The following CLEC4F variants were observed in gnomAD, a reference collection of about 807,000 sequenced individuals.
The protein encoded by CLEC4F is C-type lectin domain family 4 member F, also known as C-type (calcium dependent, carbohydrate-recognition domain) lectin, superfamily member 13.
In CLEC4F, 45 loss-of-function variants were observed where a neutral mutation model predicts 53.4. The observed-to-expected ratio is 0.84, with a 90% confidence interval of 0.66 to 1.08. The LOEUF (loss-of-function observed/expected upper bound fraction) is 1.08. Among genes scored for constraint, CLEC4F ranks in the 50% least tolerant of loss-of-function variants. CLEC4F has a pLI of 0.00. For missense variants in CLEC4F, 753 were observed against 698.2 expected, an observed-to-expected ratio of 1.08 and a Z score of -0.88; for synonymous variants, 245 against 257.5, an observed-to-expected ratio of 0.95 and a Z score of 0.46.
chr2:70,816,508 A>G lies in CLEC4F; in HGVS notation c.873T>C (p.Asn291=). 1 of 1,614,078 alleles carries G rather than the reference A, an allele frequency of 6.2e-7. No individual in the cohort carries two copies. Among genetic ancestry groups the G allele is most frequent in the Non-Finnish European group, 8.5e-7 (1 of 1,180,038 alleles). Residue 291 remains asparagine (N), a synonymous_variant, in exon 4 of 7, where the codon AAT becomes AAC. Coordinates refer to ENST00000272367, the MANE Select transcript of CLEC4F (RefSeq NM_173535.3). ...AGTTTAAAGCATTTGTGTTCTGCAA[A>G]TTTTCCTTTAGTCCCTGGATCTCAG... ...ANAEIQGLKE[N]LQNTNALNSQ... is the part of the protein sequence containing the mutation.
At position 70,816,192 on chromosome 2, in the gene CLEC4F, T is replaced by G; in HGVS notation, c.1189A>C (p.Met397Leu). The G allele has an allele frequency of 6.2e-7, 1 of 1,614,226 alleles. No homozygotes were observed. Among genetic ancestry groups the G allele is most frequent in the Non-Finnish European group, 8.5e-7 (1 of 1,180,038 alleles). The change falls in exon 4 of 7, where the codon ATG (methionine) becomes CTG (leucine). Residue 397 changes from methionine (M) to leucine (L), a missense_variant. By Grantham distance (15) the Met-to-Leu change is conservative. Coordinates refer to ENST00000272367, the MANE Select transcript of CLEC4F (RefSeq NM_173535.3). ...SREIQTLKQG[M>L]KNASALTSQT... is the part of the protein sequence containing the mutation. ...GAAGTTAAGGCTGAAGCATTCTTCA[T>G]TCCTTGTTTTAGGGTCTGTATCTCT...
chr2:70,820,434 G>A, intron 1 of CLEC4F, 29 bp downstream of exon 1: 1 of 1,561,412 alleles, frequency 6.4e-7, no homozygotes, highest in Non-Finnish European at 8.7e-7. Context: ...TCCCTCACTG[G>A]GCAAGAGCTG....
upstream of CLEC4F, among the ~76,000 whole-genome samples, chr2:70,824,917 T>C (rs1023778060): frequency 2.2e-4 from 34 of 152,226 alleles, no homozygotes; most frequent in Non-Finnish European, 4.4e-4. Context: ...CTTCCTACTC[T>C]TTCAGTGTGA....
Position 70,816,548 on chromosome 2 carries a change from A to G in CLEC4F, c.833T>C (p.Leu278Ser), listed in dbSNP as rs1558616453. 2 of 1,614,042 alleles carry G rather than the reference A, an allele frequency of 1.2e-6. No homozygotes were observed. Among genetic ancestry groups the G allele is most frequent in the Non-Finnish European group, 1.7e-6 (2 of 1,180,038 alleles). Residue 278 changes from leucine to serine, a missense_variant, in exon 4 of 7, where the codon TTG (leucine) becomes TCG (serine). Leu to Ser is a moderately radical substitution (Grantham distance 145, BLOSUM62 -2). Transcript: ENST00000272367. Reference sequence around the variant, plus strand: ...CTGGATCTCAGCATTGGCTCCTTCCAAACTATTTCTTAAAACCTGGTTCTG... The same window carrying G: ...CTGGATCTCAGCATTGGCTCCTTCCGAACTATTTCTTAAAACCTGGTTCTG... ...RTQNQVLRNS[L>S]EGANAEIQGL...
At chr2:70,810,912 G>T in intron 5 of CLEC4F, 1 of 535,798 alleles carries the variant, frequency 1.9e-6, no homozygotes. Context: ...TAAACCAATG[G>T]CACAAAAATG....
chr2:70,815,025 C>A (rs970090035), intron 4 of CLEC4F, among the ~76,000 whole-genome samples: 1 of 152,118 alleles, frequency 6.6e-6, no homozygotes, highest in South Asian at 2.1e-4. Flanking sequence ...GGGCCTCTGA[C>A]CCCAGACCAG....
intron 4 of CLEC4F, among the ~76,000 whole-genome samples, chr2:70,813,565 TTC>T (rs1558612404): frequency 3.1e-5 from 4 of 130,764 alleles, no homozygotes; most frequent in African/African-American, 8.8e-5. Context: ...TTTTCTTTCT[TTC>T]TCTTTCTTTT....
intron 5 of CLEC4F, 76 bp downstream of exon 5, chr2:70,812,371 G>T: frequency 6.5e-7 from 1 of 1,536,278 alleles, no homozygotes; most frequent in Non-Finnish European, 8.9e-7. Context: ...CCCACTGAGA[G>T]CAGGAAGGCC....
In CLEC4F at chr2:70,816,326, A is replaced by G. The variant is rs1676904631; in HGVS notation, c.1055T>C (p.Leu352Pro). The G allele has an allele frequency of 6.2e-7, 1 of 1,614,220 alleles. No individual in the cohort carries two copies. Among genetic ancestry groups the G allele is most frequent in the Middle Eastern group, 1.6e-4 (1 of 6,062 alleles). ...CTGAATCTGAGTATCTGTCTGGTCC[A>G]GACGGCCATTTGCTTTTTGGGTCTG... The part of the protein sequence containing the change: ...TAQTQKANGR[L>P]DQTDTQIQVF... The change falls in exon 4 of 7, where the codon CTG (leucine) becomes CCG (proline). Residue 352 changes from leucine to proline, a missense_variant. Physicochemically the swap from Leu to Pro is moderately conservative, Grantham distance 98. Transcript: ENST00000272367.
chr2:70,819,424 C>T lies in CLEC4F; in HGVS notation c.199G>A (p.Val67Ile). The T allele has an allele frequency of 1.9e-6, 3 of 1,614,064 alleles. No individual in the cohort carries two copies. The highest frequency in any genetic ancestry group is 2.2e-5 in the East Asian group (1 of 44,896). ...ATTACGGCTTGCACAGGCTTCGGAA[C>T]AGGTCTTGTCTGCTGTTGAACTGAG... The part of the protein sequence containing the change: ...FVVVQQQTRP[V>I]PKPVQAVILG... The change falls in exon 3 of 7, where the codon GTT (valine) becomes ATT (isoleucine). Residue 67 changes from valine to isoleucine, a missense_variant. Transcript: ENST00000272367.
chr2:70,818,539 G>A (rs191956399), intron 3 of CLEC4F, among the ~76,000 whole-genome samples: 2,807 of 151,986 alleles, frequency 0.018, 35 homozygotes, highest in South Asian at 0.027. Context: ...GTGAAACTCC[G>A]TCTCTACTAA....
At chr2:70,820,433 G>T in intron 1 of CLEC4F, 30 bp downstream of exon 1, 1 of 1,559,824 alleles carries the variant, frequency 6.4e-7, no homozygotes, top group Non-Finnish European at 8.7e-7. Context: ...CTCCCTCACT[G>T]GGCAAGAGCT....
intron 6 of CLEC4F, 52 bp downstream of exon 6, chr2:70,809,687 A>G (rs1458377372): frequency 1.5e-6 from 2 of 1,321,318 alleles, no homozygotes; most frequent in East Asian, 4.6e-5. Flanking sequence ...GTGTGTAGCT[A>G]GGTCCACCAA....
upstream of CLEC4F, among the ~76,000 whole-genome samples, chr2:70,824,355 T>A (rs916651051): frequency 4.6e-5 from 7 of 152,034 alleles, no homozygotes; most frequent in South Asian, 2.1e-4. Context: ...TCTCAAGTCC[T>A]GTCACCATGG....
chr2:70,815,187 T>C (rs1011788198), intron 4 of CLEC4F, among the ~76,000 whole-genome samples: 1 of 152,168 alleles, frequency 6.6e-6, no homozygotes. Context: ...CTGCCTGAAG[T>C]TTCCAGAATC....
At chr2:70,815,850 A>G (rs1676866767) in intron 4 of CLEC4F, 144 bp downstream of exon 4, 3 of 884,508 alleles carry the variant, frequency 3.4e-6, no homozygotes, top group Non-Finnish European at 5.2e-6. Flanking sequence ...CCATCTCTAC[A>G]ACTGCCCAGT....
At chr2:70,823,118 T>C (rs548762956), upstream of CLEC4F, among the ~76,000 whole-genome samples, 398 of 138,658 alleles carry the variant, frequency 2.9e-3, 1 homozygote, top group Admixed American at 5.6e-3. Flanking sequence ...GGGGTGTGTG[T>C]GTTTGTGTGT....
chr2:70,824,451 C>G (rs1362164014), upstream of CLEC4F, among the ~76,000 whole-genome samples: 1 of 151,734 alleles, frequency 6.6e-6, no homozygotes, highest in South Asian at 2.1e-4. Flanking sequence ...CAATGATGTT[C>G]AAATAGCAAC....
intron 5 of CLEC4F, chr2:70,811,207 C>T (rs1485714349): frequency 2.9e-5 from 22 of 753,082 alleles, no homozygotes; most frequent in South Asian, 1.7e-4. Flanking sequence ...ATGGCATTCA[C>T]GCTGAAGTTT....
Sources: gnomAD v4.1 joint callset for allele counts (sites outside exome capture counted in the v4.1 genomes callset) on GRCh38, gnomAD v4.1.1 for gene constraint, MANE v1.5 for transcripts, NCBI Gene and HGNC (gene_info 2026-07-23, HGNC 2026-07-21) for gene names.